The following HACD4 variants were observed in gnomAD, a reference collection of about 807,000 sequenced individuals.
HACD4 encodes the protein very-long-chain (3R)-3-hydroxyacyl-CoA dehydratase 4.
A neutral mutation model predicts 33.3 loss-of-function variants in HACD4; 35 were observed. That is an observed-to-expected ratio of 1.05 (90% CI 0.80 to 1.39). HACD4 has a LOEUF of 1.39. Among genes scored for constraint, HACD4 ranks in the 40% most tolerant of loss-of-function variants. The pLI, the probability that HACD4 is intolerant of heterozygous loss-of-function variation, is 0.00. For missense variants in HACD4, 323 were observed against 276.5 expected (o/e 1.17, Z -1.19); for synonymous variants, 118 against 98.0 (o/e 1.20, Z -1.21).
intron 4 of HACD4, among the ~76,000 whole-genome samples, chr9:21,014,102 G>T (rs1291648560): frequency 1.3e-5 from 2 of 152,264 alleles, no homozygotes; most frequent in Admixed American, 6.5e-5. Flanking sequence ...GGCTGAGGAA[G>T]TCTCTTGCTC....
intron 5 of HACD4, among the ~76,000 whole-genome samples, chr9:21,010,462 C>CCCA (rs1842388431): frequency 7.9e-6 from 1 of 127,292 alleles, no homozygotes; most frequent in Non-Finnish European, 1.7e-5. Flanking sequence ...TGGTACCCCC[C>CCCA]CCCCCCCCAG....
chr9:21,017,405 T>C (rs771051811), intron 3 of HACD4, among the ~76,000 whole-genome samples: 1 of 149,998 alleles, frequency 6.7e-6, no homozygotes, highest in Non-Finnish European at 1.5e-5. Flanking sequence ...TGTTTTTCTT[T>C]TTTCAGTCTT....
At chr9:21,007,873 G>T in intron 6 of HACD4, 148 bp downstream of exon 6, 1 of 585,870 alleles carries the variant, frequency 1.7e-6, no homozygotes, top group East Asian at 3.1e-5. Context: ...ATAACCTCCA[G>T]GGGCTTTACT....
Position 21,026,755 on chromosome 9 carries a change from G to C in HACD4, c.143-32C>G, listed in dbSNP as rs759774056. The C allele has an allele frequency of 7.5e-6, 12 of 1,594,148 alleles. No individual in the cohort carries two copies. The South Asian group carries it at 1.4e-4, about 18-fold the overall frequency. Reference sequence around the variant, plus strand: ...CCCGTGGGTTAAAAATGCAGATATAGGAAGAAAAAACTGGATTATAACCCA... The same window carrying C: ...CCCGTGGGTTAAAAATGCAGATATACGAAGAAAAAACTGGATTATAACCCA... On this transcript the variant is annotated intron_variant, in intron 2 of 6. Coordinates refer to ENST00000495827, the MANE Select transcript of HACD4 (RefSeq NM_001010915.5).
rs577379918 is a variant in HACD4 at position 21,027,955 on chromosome 9, T to G, written c.143-1232A>C. On this transcript the variant is annotated intron_variant, in intron 2 of 6. Transcript: ENST00000495827. ...TTCAATACCAGCCTGGCCAATGTGG[T>G]GAAACCCCGTGTCTACTGAAAATAC... is the stretch of plus-strand genomic sequence containing the variant. Among the ~76,000 whole-genome samples the G allele has an allele frequency of 1.2e-4, 18 of 151,786 alleles. No individual in the cohort carries two copies. In the South Asian group the frequency reaches 3.3e-3, roughly 28 times the overall value.
rs1433304594 is a variant in HACD4, at chr9:21,003,905, A to G, written c.*3132T>C. The G allele has an allele frequency of 6.6e-6, 1 of 152,218 alleles. No individual in the cohort carries two copies. The highest frequency in any genetic ancestry group is 1.5e-5 in the Non-Finnish European group (1 of 68,028). 9.4% of individuals were successfully genotyped at this position (152,218 alleles called of 1,614,324 possible). A position where few individuals can be genotyped will look rare whatever the true frequency, so the allele number is the denominator to read the frequency against. On this transcript the variant is annotated 3_prime_UTR_variant, in exon 7 of 7. Transcript: ENST00000495827. ...TTTAAAAAGTACTTAGTATATTTTT[A>G]TACCTTTTATCTTCCTGTATGTGTG...
At position 21,000,164 on chromosome 9, in the gene HACD4, C is replaced by T. The variant is rs898094282; in HGVS notation, c.*6873G>A. 1 of 152,130 alleles carries T rather than the reference C, an allele frequency of 6.6e-6. No homozygotes were observed. The highest frequency in any genetic ancestry group is 2.4e-5 in the African/African-American group (1 of 41,448). The allele number at this position is 152,130 out of a possible 1,614,324, so 9.4% of individuals were successfully genotyped here. A position where few individuals can be genotyped will look rare whatever the true frequency, so the allele number is the denominator to read the frequency against. ...TGTGATGAATTAAGGCATACTTTTA[C>T]TAATTGACTTTCATATGGAATTAAC... On this transcript the variant is annotated 3_prime_UTR_variant, in exon 7 of 7. Coordinates refer to ENST00000495827, the MANE Select transcript of HACD4 (RefSeq NM_001010915.5).
chr9:21,021,430 A>G (rs913924357), intron 3 of HACD4, among the ~76,000 whole-genome samples: 2 of 152,208 alleles, frequency 1.3e-5, no homozygotes, highest in Non-Finnish European at 2.9e-5. Flanking sequence ...GAAAAGAGGA[A>G]GTCAAATTGT....
At position 21,001,292 on chromosome 9, in the gene HACD4, T is replaced by G. The variant is rs1842163057; in HGVS notation, c.*5745A>C. On this transcript the variant is annotated 3_prime_UTR_variant, in exon 7 of 7. Coordinates refer to ENST00000495827, the MANE Select transcript of HACD4 (RefSeq NM_001010915.5). Reference sequence around the variant, plus strand: ...TTCAAGAGCTGGAAAGTACGATAATTGAAATGAAAAACTCACTAGAGGTAT... The same window carrying G: ...TTCAAGAGCTGGAAAGTACGATAATGGAAATGAAAAACTCACTAGAGGTAT... 6.6e-6 allele frequency: 1 copy of G among 151,864 alleles called. No homozygotes were observed. Among genetic ancestry groups the G allele is most frequent in the Non-Finnish European group, 1.5e-5 (1 of 67,926 alleles). The allele number at this position is 151,864 out of a possible 1,614,324, so 9.4% of individuals were successfully genotyped here. A position where few individuals can be genotyped will look rare whatever the true frequency, so the allele number is the denominator to read the frequency against.
chr9:21,027,273 C>T (rs993377703), intron 2 of HACD4, among the ~76,000 whole-genome samples: 1 of 152,118 alleles, frequency 6.6e-6, no homozygotes, highest in Non-Finnish European at 1.5e-5. Flanking sequence ...AACACTGGAA[C>T]TTGGGCCTCT....
Position 21,006,634 on chromosome 9 carries a change from C to A in HACD4, c.*403G>T. 1 of 230,660 alleles carries A rather than the reference C, an allele frequency of 4.3e-6. No individual in the cohort carries two copies. The highest frequency in any genetic ancestry group is 5.5e-5 in the South Asian group (1 of 18,024). 14.3% of individuals were successfully genotyped at this position (230,660 alleles called of 1,614,324 possible). On this transcript the variant is annotated 3_prime_UTR_variant, in exon 7 of 7. Transcript: ENST00000495827. This position sits in a 1 kb window ranked among gnomAD's most constrained non-coding sequence, Gnocchi z 4.6. ...TATATTTTCCATCCCTCTTCTCCTACAGATCTATTTGGGAACTTGGAAGTG... is the reference window on the plus strand; with the variant it reads ...TATATTTTCCATCCCTCTTCTCCTAAAGATCTATTTGGGAACTTGGAAGTG...
chr9:21,020,789 G>T (rs1484959170), intron 3 of HACD4, among the ~76,000 whole-genome samples: 1 of 152,012 alleles, frequency 6.6e-6, no homozygotes, highest in South Asian at 2.1e-4. Flanking sequence ...AAAATTGGAA[G>T]TCCATAAATA....
chr9:21,021,895 G>A (rs1156966830), intron 3 of HACD4, among the ~76,000 whole-genome samples: 3 of 151,986 alleles, frequency 2.0e-5, no homozygotes, highest in Non-Finnish European at 4.4e-5. Context: ...AGTTCATATG[G>A]AACCAAAAAA....
At chr9:21,017,235 T>A (rs577682222) in intron 3 of HACD4, among the ~76,000 whole-genome samples, 1 of 152,142 alleles carries the variant, frequency 6.6e-6, no homozygotes, top group South Asian at 2.1e-4. Flanking sequence ...AATCCAAGAT[T>A]TGCCAACAGT....
chr9:21,005,563 C>T lies in HACD4; in HGVS notation c.*1474G>A, dbSNP rs374632239. On this transcript the variant is annotated 3_prime_UTR_variant, in exon 7 of 7. Coordinates refer to ENST00000495827, the MANE Select transcript of HACD4 (RefSeq NM_001010915.5). This position sits in a 1 kb window ranked among gnomAD's most constrained non-coding sequence, Gnocchi z 4.0. ...ATAGAGCTATTCAGCTGTGAATGTACACTATTCTTCAAGAAAAGGAGAAAC... is the reference window on the plus strand; with the variant it reads ...ATAGAGCTATTCAGCTGTGAATGTATACTATTCTTCAAGAAAAGGAGAAAC... The T allele has an allele frequency of 6.6e-6, 1 of 152,190 alleles. No homozygotes were observed. The highest frequency in any genetic ancestry group is 1.9e-4 in the East Asian group (1 of 5,190). 9.4% of individuals were successfully genotyped at this position (152,190 alleles called of 1,614,324 possible).
intron 2 of HACD4, among the ~76,000 whole-genome samples, chr9:21,028,326 T>C (rs1006439922): frequency 6.6e-6 from 1 of 152,134 alleles, no homozygotes; most frequent in African/African-American, 2.4e-5. Context: ...AGTGATGGCT[T>C]TTTAATAAAA....
chr9:21,023,774 A>G (rs576145827), intron 3 of HACD4, among the ~76,000 whole-genome samples: 1 of 152,108 alleles, frequency 6.6e-6, no homozygotes, highest in East Asian at 1.9e-4. Flanking sequence ...ACAGGGTTTC[A>G]CCATGTTGGC....
At chr9:21,023,236 G>C (rs1468299131) in intron 3 of HACD4, among the ~76,000 whole-genome samples, 1 of 135,590 alleles carries the variant, frequency 7.4e-6, no homozygotes, top group Non-Finnish European at 1.6e-5. Context: ...GGGGAGGGGG[G>C]AGGAATAGCA....
intron 1 of HACD4, 21 bp from the exon 2 acceptor site, chr9:21,029,419 C>T (rs780430619): frequency 3.5e-5 from 48 of 1,361,818 alleles, no homozygotes; most frequent in Admixed American, 7.7e-5. Flanking sequence ...AGGAAAATAC[C>T]ATTAAACACT....
Sources: gnomAD v4.1 joint callset for allele counts (sites outside exome capture counted in the v4.1 genomes callset) on GRCh38, gnomAD v4.1.1 for gene constraint, Gnocchi (gnomAD v3.1) non-coding constraint, MANE v1.5 for transcripts, NCBI Gene and HGNC (gene_info 2026-07-23, HGNC 2026-07-21) for gene names.